Variants in GAS7 observed in about 807,000 individuals in gnomAD.
GAS7 encodes the protein growth arrest specific 7.
A neutral mutation model predicts 71.1 loss-of-function variants in GAS7; 28 were observed. The ratio of observed to expected loss-of-function variants is 0.39; its 90% CI spans 0.29 to 0.54. The LOEUF is 0.54. Among genes scored for constraint, GAS7 ranks in the 20% least tolerant of loss-of-function variants. The probability of loss-of-function intolerance (pLI) is 0.62; values close to 1 mark genes in which losing one functional copy is unlikely to be tolerated. For synonymous variants in GAS7, 258 were observed against 245.8 expected (o/e 1.05, Z -0.46); for missense variants, 436 against 627.8 (o/e 0.69, Z 3.27).
chr17:10,017,149 T>A (rs1597697472), intron 2 of GAS7, among the ~76,000 whole-genome samples: 1 of 133,398 alleles, frequency 7.5e-6, no homozygotes, highest in African/African-American at 3.3e-5. Context: ...AATAAATAAA[T>A]AAATAAATAA....
intron 1 of GAS7, among the ~76,000 whole-genome samples, chr17:10,091,369 T>A (rs543619313): frequency 1.3e-5 from 2 of 152,068 alleles, no homozygotes; most frequent in Non-Finnish European, 2.9e-5. Context: ...ACTGTTTACT[T>A]TAGAGTGGTG....
chr17:9,969,897 G>T lies in GAS7; in HGVS notation c.386-135C>A. On this transcript the variant is annotated intron_variant, in intron 3 of 13. Transcript: ENST00000432992. This position sits in a 1 kb window ranked among gnomAD's most constrained non-coding sequence, Gnocchi z 5.5. ...CTTGCGTGGCGAAGACCATCCCTCA[G>T]GATCTGATCTTATCTGTATCTGCAG... 2 of 639,332 alleles carry T rather than the reference G, an allele frequency of 3.1e-6. No homozygotes were observed. Among genetic ancestry groups the T allele is most frequent in the South Asian group, 3.6e-5 (2 of 55,064 alleles). 39.6% of individuals were successfully genotyped at this position (639,332 alleles called of 1,614,324 possible).
intron 2 of GAS7, among the ~76,000 whole-genome samples, chr17:10,018,674 C>A (rs757730856): frequency 6.6e-5 from 10 of 152,130 alleles, no homozygotes; most frequent in Non-Finnish European, 1.2e-4. Flanking sequence ...ACGAATAAAC[C>A]AGCTGCCTTC....
chr17:10,120,979 T>A (rs189807149), intron 1 of GAS7, among the ~76,000 whole-genome samples: 45 of 152,364 alleles, frequency 3.0e-4, no homozygotes, highest in African/African-American at 8.7e-4. Context: ...CAGATGAGTT[T>A]CGGATGGCAG....
intron 1 of GAS7, among the ~76,000 whole-genome samples, chr17:10,171,459 C>T (rs2074334613): frequency 6.6e-6 from 1 of 152,180 alleles, no homozygotes; most frequent in African/African-American, 2.4e-5. Flanking sequence ...CTTGAAGCGT[C>T]TCTGAAGTTT....
In GAS7 at chr17:10,112,413, T is replaced by C. The variant is rs530130172; in HGVS notation, c.183+85795A>G. On this transcript the variant is annotated intron_variant, in intron 1 of 13. Transcript: ENST00000432992. ...ATGGAGATGAGAGAGAGGAGGGAAGTAGGAAAAGATAATAGGAGTAGCATG... is the reference window on the plus strand; with the variant it reads ...ATGGAGATGAGAGAGAGGAGGGAAGCAGGAAAAGATAATAGGAGTAGCATG... 1.3e-5 allele frequency among the ~76,000 whole-genome samples: 2 copies of C among 151,574 alleles called. 1 individual carries two copies. The highest frequency in any genetic ancestry group is 4.2e-4 in the South Asian group (2 of 4,792).
chr17:9,999,658 T>G (rs1187162639), intron 2 of GAS7, among the ~76,000 whole-genome samples: 2 of 152,194 alleles, frequency 1.3e-5, no homozygotes, highest in Non-Finnish European at 2.9e-5. Context: ...CTTGTAAACT[T>G]GCTGGATTCC....
At chr17:10,168,970 A>C (rs2074315149) in intron 1 of GAS7, among the ~76,000 whole-genome samples, 1 of 68,978 alleles carries the variant, frequency 1.4e-5, no homozygotes, top group Non-Finnish European at 2.9e-5. Context: ...ACTCCATCTC[A>C]AAAAAAAAAA....
At position 10,148,571 on chromosome 17, in the gene GAS7, T is replaced by C. The variant is rs977457686; in HGVS notation, c.183+49637A>G. 8.2e-5 allele frequency among the ~76,000 whole-genome samples: 12 copies of C among 146,042 alleles called. 2 individuals are homozygous for C. Among genetic ancestry groups the C allele is most frequent in the Admixed American group, 6.2e-4 (9 of 14,530 alleles). ...AGGCGGAGGTTGCAGTGAGCCAAGATTGCACCACTGCACTCCAGCCTGGGC... is the reference window on the plus strand; with the variant it reads ...AGGCGGAGGTTGCAGTGAGCCAAGACTGCACCACTGCACTCCAGCCTGGGC... On this transcript the variant is annotated intron_variant, in intron 1 of 13. Transcript: ENST00000432992.
intron 2 of GAS7, among the ~76,000 whole-genome samples, chr17:10,015,086 C>T (rs1398915004): frequency 6.6e-6 from 1 of 151,460 alleles, no homozygotes; most frequent in African/African-American, 2.4e-5. Context: ...ACCGGGGAGG[C>T]GGAGGTTTCA....
At chr17:9,956,776 TCAGA>T (rs1440195060) in intron 5 of GAS7, among the ~76,000 whole-genome samples, 1 of 152,096 alleles carries the variant, frequency 6.6e-6, no homozygotes, top group Admixed American at 6.5e-5. Context: ...CTCTGCGGGA[TCAGA>T]CAGCACGGGA....
chr17:10,152,625 C>G (rs1479079341), intron 1 of GAS7, among the ~76,000 whole-genome samples: 1 of 152,172 alleles, frequency 6.6e-6, no homozygotes, highest in African/African-American at 2.4e-5. Context: ...GTGCAAGGGG[C>G]CATGTTAAAC....
At chr17:10,005,228 T>C (rs1054413178) in intron 2 of GAS7, among the ~76,000 whole-genome samples, 2 of 146,458 alleles carry the variant, frequency 1.4e-5, no homozygotes, top group Non-Finnish European at 3.0e-5. Context: ...TGTGCATGTA[T>C]GTGTATGTGC....
chr17:10,100,649 A>T (rs1414291952), intron 1 of GAS7, among the ~76,000 whole-genome samples: 1 of 150,294 alleles, frequency 6.7e-6, no homozygotes, highest in Non-Finnish European at 1.5e-5. Flanking sequence ...CCACCTCCCA[A>T]CCCCCCCATC....
chr17:9,961,157 A>G (rs1023850348), intron 4 of GAS7, among the ~76,000 whole-genome samples: 6 of 151,878 alleles, frequency 4.0e-5, no homozygotes, highest in Non-Finnish European at 7.4e-5. Context: ...ACTTATGGCA[A>G]CTCCTCTAGT....
intron 1 of GAS7, among the ~76,000 whole-genome samples, chr17:10,046,089 C>T (rs745950424): frequency 6.6e-6 from 1 of 152,156 alleles, no homozygotes; most frequent in East Asian, 1.9e-4. Flanking sequence ...TCTCTGGCTA[C>T]ACATCAAGTC....
At chr17:9,922,196 A>AT (rs2067843298) in intron 11 of GAS7, among the ~76,000 whole-genome samples, 3 of 100,288 alleles carry the variant, frequency 3.0e-5, no homozygotes, top group African/African-American at 6.3e-5. Flanking sequence ...GTGGTGATGA[A>AT]GATGATGATG....
At chr17:10,012,927 C>T (rs549951521) in intron 2 of GAS7, among the ~76,000 whole-genome samples, 1 of 151,752 alleles carries the variant, frequency 6.6e-6, no homozygotes, top group Admixed American at 6.6e-5. Flanking sequence ...ACTGTGAAAC[C>T]CCGTCTCTAC....
intron 1 of GAS7, among the ~76,000 whole-genome samples, chr17:10,140,527 A>ATG (rs1416861583): frequency 6.6e-6 from 1 of 152,130 alleles, no homozygotes; most frequent in Non-Finnish European, 1.5e-5. Flanking sequence ...GTCTATGTCT[A>ATG]TGTGTGTATA....
Sources: allele counts gnomAD v4.1 joint callset (sites outside exome capture counted in the v4.1 genomes callset), GRCh38; gene constraint gnomAD v4.1.1; non-coding constraint Gnocchi (gnomAD v3.1); transcripts MANE v1.5; gene names NCBI Gene and HGNC (gene_info 2026-07-23, HGNC 2026-07-21).